The following SOX6 variants were observed in gnomAD, a reference collection of about 807,000 sequenced individuals.
The protein encoded by SOX6 is SRY-box transcription factor 6.
Under a neutral mutation model 97.8 loss-of-function variants are expected in SOX6, and 11 were observed. The observed-to-expected ratio is 0.11, with a 90% CI of 0.07 to 0.19. The LOEUF (loss-of-function observed/expected upper bound fraction) is 0.19. Among genes scored for constraint, SOX6 ranks in the 10% least tolerant of loss-of-function variants. The pLI, the probability that SOX6 is intolerant of heterozygous loss-of-function variation, is 1.00. For missense variants in SOX6, 810 were observed against 1,039.5 expected (o/e 0.78, Z 3.04); for synonymous variants, 360 against 371.4 (o/e 0.97, Z 0.35).
intron 1 of SOX6, among the ~76,000 whole-genome samples, chr11:16,363,233 T>A (rs1429375528): frequency 6.6e-6 from 1 of 152,204 alleles, no homozygotes; most frequent in Non-Finnish European, 1.5e-5. Context: ...AGCTTCAGCA[T>A]CTAGCATAAT....
At chr11:16,288,756 A>G (rs573808821) in intron 3 of SOX6, among the ~76,000 whole-genome samples, 3 of 152,108 alleles carry the variant, frequency 2.0e-5, no homozygotes, top group Admixed American at 1.3e-4. Flanking sequence ...TGATGTCTCT[A>G]TGTAGAAGTT....
At chr11:16,386,342 GC>G (rs968178440) in intron 1 of SOX6, among the ~76,000 whole-genome samples, 9 of 150,556 alleles carry the variant, frequency 6.0e-5, no homozygotes, top group Non-Finnish European at 1.2e-4. Context: ...TTTGCGGGGG[GC>G]AGGTGGGGGG....
At chr11:16,693,486 A>G (rs945698285) in intron 3 of SOX6, among the ~76,000 whole-genome samples, 1 of 152,102 alleles carries the variant, frequency 6.6e-6, no homozygotes, top group Non-Finnish European at 1.5e-5. Context: ...ATTCTCTATC[A>G]TATCAGTTGT....
chr11:16,336,716 C>A (rs1315337137), intron 2 of SOX6, among the ~76,000 whole-genome samples: 2 of 152,156 alleles, frequency 1.3e-5, no homozygotes, highest in Non-Finnish European at 2.9e-5. Context: ...TCCCTGTAGC[C>A]TATGAGACTC....
intron 2 of SOX6, among the ~76,000 whole-genome samples, chr11:16,721,074 TG>T (rs1848257881): frequency 6.6e-6 from 1 of 152,168 alleles, no homozygotes; most frequent in Admixed American, 6.5e-5. Flanking sequence ...AGGACGCGAA[TG>T]GGCCTGAGGC....
chr11:16,387,094 T>C (rs942294143), intron 1 of SOX6, among the ~76,000 whole-genome samples: 14 of 152,206 alleles, frequency 9.2e-5, no homozygotes, highest in African/African-American at 3.4e-4. Flanking sequence ...TCCTCGTATC[T>C]TTGATCATCA....
At chr11:16,537,031 T>C (rs7944054) in intron 4 of SOX6, among the ~76,000 whole-genome samples, 22,349 of 152,166 alleles carry the variant, frequency 0.15, 1,808 homozygotes, top group African/African-American at 0.22. Flanking sequence ...TGTAGCCTGA[T>C]TGGGAGACAC....
chr11:16,107,395 G>GTATA, intron 7 of SOX6, among the ~76,000 whole-genome samples: 1 of 140,846 alleles, frequency 7.1e-6, no homozygotes, highest in African/African-American at 2.8e-5. Context: ...ACATATATAT[G>GTATA]TATATATATG....
At chr11:16,628,820 G>C (rs1186246040) in intron 3 of SOX6, among the ~76,000 whole-genome samples, 1 of 152,018 alleles carries the variant, frequency 6.6e-6, no homozygotes, top group East Asian at 1.9e-4. Flanking sequence ...ATTTCTCCTT[G>C]TAGAGCTCCT....
At chr11:15,975,320 G>T (rs12276728) in intron 15 of SOX6, among the ~76,000 whole-genome samples, 1 of 152,002 alleles carries the variant, frequency 6.6e-6, no homozygotes, top group Non-Finnish European at 1.5e-5. Flanking sequence ...ATGCCTCATT[G>T]GTTTTTTTAC....
chr11:15,973,796 G>C (rs1373335450), intron 15 of SOX6, among the ~76,000 whole-genome samples: 1 of 152,132 alleles, frequency 6.6e-6, no homozygotes. Context: ...CAACAGAGTA[G>C]AGTTGCAGAG....
At chr11:16,498,364 G>T (rs536748935) in intron 4 of SOX6, among the ~76,000 whole-genome samples, 1 of 152,162 alleles carries the variant, frequency 6.6e-6, no homozygotes, top group Non-Finnish European at 1.5e-5. Context: ...ATGCCAAATT[G>T]TAAAGACCAT....
intron 3 of SOX6, among the ~76,000 whole-genome samples, chr11:16,688,816 T>G (rs967363743): frequency 6.6e-6 from 1 of 152,240 alleles, no homozygotes; most frequent in African/African-American, 2.4e-5. Flanking sequence ...TGCCAGACAT[T>G]GTAAATTTTA....
intron 4 of SOX6, among the ~76,000 whole-genome samples, chr11:16,564,286 T>C (rs1847844486): frequency 6.6e-6 from 1 of 152,146 alleles, no homozygotes; most frequent in Non-Finnish European, 1.5e-5. Flanking sequence ...TGGTTCTAAA[T>C]GTATGTAGAG....
intron 4 of SOX6, among the ~76,000 whole-genome samples, chr11:16,608,692 G>A (rs1848363901): frequency 6.6e-6 from 1 of 151,904 alleles, no homozygotes. Context: ...ATAGTTTATG[G>A]ATTCAAATTA....
chr11:16,539,299 C>G (rs527438294), intron 4 of SOX6, among the ~76,000 whole-genome samples: 1 of 152,178 alleles, frequency 6.6e-6, no homozygotes, highest in Admixed American at 6.5e-5. Flanking sequence ...ATACCAGAAT[C>G]TCTGGGACAC....
intron 2 of SOX6, among the ~76,000 whole-genome samples, chr11:16,727,290 C>CTTTTT (rs557437543): frequency 8.0e-4 from 74 of 92,976 alleles, no homozygotes; most frequent in African/African-American, 1.3e-3. Context: ...ATTCACCTTG[C>CTTTTT]TTTTTTTTTT....
At chr11:16,389,994 A>AAAAAAAAAAAAAAAAAAAC (rs1858121557) in intron 1 of SOX6, among the ~76,000 whole-genome samples, 1 of 149,384 alleles carries the variant, frequency 6.7e-6, no homozygotes, top group South Asian at 2.1e-4. Flanking sequence ...AAAAAAAAAA[A>AAAAAAAAAAAAAAAAAAAC]AAGAAGCTTA....
intron 1 of SOX6, among the ~76,000 whole-genome samples, chr11:16,373,859 GGAAGGA>G (rs1857566341): frequency 1.3e-5 from 1 of 75,026 alleles, no homozygotes; most frequent in Non-Finnish European, 3.0e-5. Context: ...AAGGAAGGAA[GGAAGGA>G]AGGAAGGAAG....
Sources: gnomAD v4.1 joint callset for allele counts (sites outside exome capture counted in the v4.1 genomes callset) on GRCh38, gnomAD v4.1.1 for gene constraint, MANE v1.5 for transcripts, NCBI Gene and HGNC (gene_info 2026-07-23, HGNC 2026-07-21) for gene names.